EHBP1: variants seen among roughly 807,000 people sequenced by gnomAD.
EHBP1 encodes the protein EH domain binding protein 1.
Under a neutral mutation model 144.0 loss-of-function variants are expected in EHBP1, and 55 were observed. That is an observed-to-expected ratio of 0.38 (90% CI 0.31 to 0.48). EHBP1 has a LOEUF of 0.48. EHBP1 is among the 20% of genes least tolerant of loss of function. The pLI is 0.98. For missense variants in EHBP1, 1,200 were observed against 1,364.2 expected, an observed-to-expected ratio of 0.88 and a Z score of 1.90; for synonymous variants, 469 against 472.7, an observed-to-expected ratio of 0.99 and a Z score of 0.10.
chr2:63,020,290 C>T (rs977371165), intron 19 of EHBP1, among the ~76,000 whole-genome samples: 5 of 144,272 alleles, frequency 3.5e-5, no homozygotes, highest in African/African-American at 1.0e-4. Context: ...TGCCATTGCA[C>T]GCCAGCCTGT....
rs902485351 is a variant in EHBP1, at chr2:62,841,703, A to G, written c.634+10545A>G. Among the ~76,000 whole-genome samples, 7 of 152,114 alleles carry G rather than the reference A, an allele frequency of 4.6e-5. No individual in the cohort carries two copies. The East Asian group carries it at 1.2e-3, about 25-fold the overall frequency. On this transcript the variant is annotated intron_variant, in intron 7 of 22. Coordinates refer to ENST00000431489, the MANE Select transcript of EHBP1 (RefSeq NM_001142616.3). ...TGGCAGCAATAATTTTTTAAATGTGATATCTTTCCCATCTTTGAGTTTTGG... is the reference window on the plus strand; with the variant it reads ...TGGCAGCAATAATTTTTTAAATGTGGTATCTTTCCCATCTTTGAGTTTTGG...
intron 1 of EHBP1, among the ~76,000 whole-genome samples, chr2:62,681,359 TA>T (rs1258516162): frequency 1.0e-3 from 79 of 78,196 alleles, no homozygotes; most frequent in South Asian, 2.1e-3. Context: ...TATATATATA[TA>T]ATGTGTATAT....
At position 62,710,751 on chromosome 2, in the gene EHBP1, C is replaced by A. The variant is rs146257478; in HGVS notation, c.104+3456C>A. Among the ~76,000 whole-genome samples the A allele has an allele frequency of 1.6e-4, 25 of 152,238 alleles. 1 individual carries two copies. In the East Asian group the frequency reaches 4.0e-3, roughly 25 times the overall value. On this transcript the variant is annotated intron_variant, in intron 2 of 22. Transcript: ENST00000431489. ...TTAGATAAAATATAAACTCTTTAAT[C>A]TGATGTTCCAGGCTATGTGTAACTG...
intron 19 of EHBP1, among the ~76,000 whole-genome samples, chr2:63,032,558 C>A: frequency 8.2e-6 from 1 of 122,446 alleles, no homozygotes; most frequent in Non-Finnish European, 1.6e-5. Flanking sequence ...CAGAGCGAGA[C>A]TCTGTCTCAA....
chr2:63,018,324 GTCT>G (rs755406220), intron 19 of EHBP1, among the ~76,000 whole-genome samples: 173 of 152,082 alleles, frequency 1.1e-3, no homozygotes, highest in African/African-American at 3.3e-3. Context: ...ATACTTTCAA[GTCT>G]TCTTTATTCT....
chr2:62,841,633 C>G (rs558971663), intron 7 of EHBP1, among the ~76,000 whole-genome samples: 1 of 152,210 alleles, frequency 6.6e-6, no homozygotes, highest in African/African-American at 2.4e-5. Flanking sequence ...TTTGCTAATT[C>G]TTTTCAATAG....
chr2:62,756,063 C>T (rs1402916669), intron 3 of EHBP1, among the ~76,000 whole-genome samples: 3 of 145,988 alleles, frequency 2.1e-5, no homozygotes, highest in African/African-American at 7.6e-5. Flanking sequence ...TACTGGAGTC[C>T]AAGAGTTTGA....
At chr2:63,001,992 C>T (rs1434666766) in intron 19 of EHBP1, among the ~76,000 whole-genome samples, 1 of 152,108 alleles carries the variant, frequency 6.6e-6, no homozygotes, top group African/African-American at 2.4e-5. Context: ...CATTTGAGAC[C>T]CAACAAGCTC....
At chr2:62,942,643 G>A in intron 10 of EHBP1, 75 bp from the exon 11 acceptor site, 1 of 1,349,798 alleles carries the variant, frequency 7.4e-7, no homozygotes, top group Non-Finnish European at 1.0e-6. Context: ...CAAATGATCT[G>A]ATTAGGTCAA....
Position 62,948,323 on chromosome 2 carries a change from T to G in EHBP1, c.1477T>G (p.Leu493Val). The change falls in exon 13 of 23, where the codon TTA becomes GTA. Residue 493 changes from leucine (L) to valine (V), a missense_variant. This residue lies in a region of EHBP1 where 94 missense variants were observed against 143.0 expected (regional missense o/e 0.66). Coordinates refer to ENST00000431489, the MANE Select transcript of EHBP1 (RefSeq NM_001142616.3). ...RLLEPSDMVLLAIPDKLTVMT... is the reference protein window; with the variant it reads ...RLLEPSDMVLVAIPDKLTVMT... ...ATTGGAACCTTCTGATATGGTATTA[T>G]TAGCAATTCCTGATAAACTGACTGT... The G allele has an allele frequency of 2.5e-6, 4 of 1,609,892 alleles. No individual in the cohort carries two copies. Among genetic ancestry groups the G allele is most frequent in the Non-Finnish European group, 3.4e-6 (4 of 1,178,324 alleles).
intron 3 of EHBP1, among the ~76,000 whole-genome samples, chr2:62,752,085 G>A (rs554214533): frequency 6.6e-5 from 10 of 152,070 alleles, no homozygotes; most frequent in Middle Eastern, 3.4e-3. Flanking sequence ...TAGGGTGTCA[G>A]TTTTAGATCT....
rs866700227 is a variant in EHBP1 at position 62,771,376 on chromosome 2, C to T, written c.296C>T (p.Thr99Ile). Residue 99 changes from threonine to isoleucine, a missense_variant, in exon 5 of 23, where the codon ACA becomes ATA. By Grantham distance (89) the Thr-to-Ile change is moderately conservative. Transcript: ENST00000431489. ...GAAGAATTTGAAGACAAAGAGTGGA[C>T]ATTTGTCATAGAAAATGTAAGCTAA... is the stretch of plus-strand genomic sequence containing the variant. ...HAEEFEDKEW[T>I]FVIENESPSG... is the part of the protein sequence containing the mutation. 2.0e-5 allele frequency: 32 copies of T among 1,592,854 alleles called. No individual in the cohort carries two copies. The Admixed American group carries it at 4.2e-4, about 21-fold the overall frequency.
At chr2:62,769,047 A>G (rs767706716) in intron 4 of EHBP1, among the ~76,000 whole-genome samples, 2 of 152,224 alleles carry the variant, frequency 1.3e-5, no homozygotes, top group Non-Finnish European at 2.9e-5. Flanking sequence ...ACCACAGCCA[A>G]CATCATATCG....
intron 5 of EHBP1, among the ~76,000 whole-genome samples, chr2:62,778,212 G>A (rs1384218147): frequency 6.6e-6 from 1 of 152,122 alleles, no homozygotes; most frequent in African/African-American, 2.4e-5. Context: ...AGACTTTTAA[G>A]TGAATGGCGA....
chr2:62,888,677 C>T (rs1297099976), intron 10 of EHBP1, among the ~76,000 whole-genome samples: 1 of 152,094 alleles, frequency 6.6e-6, no homozygotes, highest in Non-Finnish European at 1.5e-5. Context: ...CAGTTAGTAA[C>T]AAATGGCAAA....
intron 10 of EHBP1, 90 bp downstream of exon 10, chr2:62,874,622 C>T (rs1435882638): frequency 2.6e-5 from 31 of 1,186,726 alleles, no homozygotes; most frequent in Non-Finnish European, 3.5e-5. Context: ...TAATTTTTGG[C>T]TATTTTTGAT....
chr2:62,962,560 T>C (rs1458886148), intron 14 of EHBP1, among the ~76,000 whole-genome samples: 1 of 152,182 alleles, frequency 6.6e-6, no homozygotes, highest in Non-Finnish European at 1.5e-5. Context: ...CTACCCACAG[T>C]CCTTGGAATT....
At chr2:63,042,635 C>T (rs1007212458) in intron 21 of EHBP1, among the ~76,000 whole-genome samples, 10 of 151,862 alleles carry the variant, frequency 6.6e-5, no homozygotes, top group African/African-American at 2.2e-4. Context: ...AATGTCATTA[C>T]TGAGCTAGGG....
intron 14 of EHBP1, among the ~76,000 whole-genome samples, chr2:62,974,749 G>A (rs1056391511): frequency 2.6e-5 from 4 of 152,134 alleles, no homozygotes; most frequent in Non-Finnish European, 4.4e-5. Flanking sequence ...GCGTATGATT[G>A]ACCCAACATT....
Sources: gnomAD v4.1 joint callset for allele counts (sites outside exome capture counted in the v4.1 genomes callset) on GRCh38, gnomAD v4.1.1 for gene constraint, gnomAD v4.1.1 regional missense constraint, MANE v1.5 for transcripts, NCBI Gene and HGNC (gene_info 2026-07-23, HGNC 2026-07-21) for gene names.